NALCN: variants seen among roughly 807,000 people sequenced by gnomAD.
NALCN encodes sodium leak channel, non-selective, also known as sodium leak channel NALCN.
Under a neutral mutation model 225.3 loss-of-function variants are expected in NALCN, and 111 were observed. The ratio of observed to expected loss-of-function variants is 0.49; its 90% CI spans 0.42 to 0.58. The LOEUF (loss-of-function observed/expected upper bound fraction) is 0.58. NALCN is among the 20% of genes least tolerant of loss of function. NALCN has a pLI of 0.00. For missense variants in NALCN, 1,378 were observed against 2,202.4 expected, an observed-to-expected ratio of 0.63 and a Z score of 7.49; for synonymous variants, 764 against 769.0, an observed-to-expected ratio of 0.99 and a Z score of 0.11.
intron 13 of NALCN, among the ~76,000 whole-genome samples, chr13:101,217,579 T>A (rs1157955951): frequency 6.6e-6 from 1 of 152,172 alleles, no homozygotes; most frequent in Non-Finnish European, 1.5e-5. Flanking sequence ...TGTCTTCCTT[T>A]CTGACTCTAC....
In NALCN at chr13:101,068,817, G is replaced by A. The variant is rs747690520; in HGVS notation, c.4208C>T (p.Pro1403Leu). The change falls in exon 38 of 44, where the codon CCG becomes CTG. Residue 1403 changes from proline to leucine, a missense_variant. Around this residue, in one of 19 missense-constraint regions of NALCN, gnomAD observed 76 missense variants for 118.7 expected, o/e 0.64. Transcript: ENST00000251127. ...TGTAAATTCATCTGGAGTACAAAACGGAGGCTGAACCTTTGGGGCATTGGG... is the reference window on the plus strand; with the variant it reads ...TGTAAATTCATCTGGAGTACAAAACAGAGGCTGAACCTTTGGGGCATTGGG... The part of the protein sequence containing the change: ...KIMHDCMVQP[P>L]FCTPDEFTYW... The A allele has an allele frequency of 5.6e-6, 9 of 1,606,554 alleles. No homozygotes were observed. The South Asian group carries it at 5.6e-5, about 10-fold the overall frequency.
At chr13:101,155,315 C>T (rs2037850898) in intron 15 of NALCN, among the ~76,000 whole-genome samples, 1 of 152,188 alleles carries the variant, frequency 6.6e-6, no homozygotes, top group Non-Finnish European at 1.5e-5. Flanking sequence ...GATCCAGGAG[C>T]TCATCCTGGA....
rs2034129154 is a variant in NALCN, at chr13:101,089,857, G to A, written c.3379C>T (p.Arg1127Cys). 1 of 1,614,014 alleles carries A rather than the reference G, an allele frequency of 6.2e-7. No homozygotes were observed. Among genetic ancestry groups the A allele is most frequent in the Non-Finnish European group, 8.5e-7 (1 of 1,179,904 alleles). The change falls in exon 29 of 44, where the codon CGT becomes TGT. Residue 1127 changes from arginine to cysteine, a missense_variant. Physicochemically the swap from Arg to Cys is radical, Grantham distance 180. Transcript: ENST00000251127. This position sits in a 1 kb window ranked among gnomAD's most constrained non-coding sequence, Gnocchi z 4.7. Reference sequence around the variant, plus strand: ...ATGTGCTCGCTTACCGGCCCCACACGATGAATAATAACATCTCTCACTTCC... The same window carrying A: ...ATGTGCTCGCTTACCGGCCCCACACAATGAATAATAACATCTCTCACTTCC... ...WVEVRDVIIH[R>C]VGPIHGIYIH...
At chr13:101,097,270 C>G (rs1341868443) in intron 27 of NALCN, among the ~76,000 whole-genome samples, 1 of 152,142 alleles carries the variant, frequency 6.6e-6, no homozygotes, top group Non-Finnish European at 1.5e-5. Context: ...TCCTTCCAGT[C>G]TTTTTTCCTA....
intron 7 of NALCN, among the ~76,000 whole-genome samples, chr13:101,318,957 A>G (rs1424794893): frequency 6.6e-6 from 1 of 152,228 alleles, no homozygotes; most frequent in East Asian, 1.9e-4. Context: ...CAAAAGAAAT[A>G]AAAACCTAAT....
At chr13:101,126,472 C>T (rs146259387) in intron 17 of NALCN, among the ~76,000 whole-genome samples, 25 of 151,624 alleles carry the variant, frequency 1.6e-4, no homozygotes, top group African/African-American at 5.8e-4. Flanking sequence ...TTCTCCCCTC[C>T]TGAAAGAGTT....
intron 14 of NALCN, among the ~76,000 whole-genome samples, chr13:101,183,849 C>A (rs903881345): frequency 1.3e-5 from 2 of 152,080 alleles, no homozygotes; most frequent in African/African-American, 2.4e-5. Flanking sequence ...AATGACACCA[C>A]CTTTCATCTC....
chr13:101,407,988 C>T (rs1395229624), intron 1 of NALCN, among the ~76,000 whole-genome samples: 1 of 152,172 alleles, frequency 6.6e-6, no homozygotes, highest in African/African-American at 2.4e-5. Context: ...GTAAGTGTCT[C>T]TCTCTCTGTT....
intron 2 of NALCN, among the ~76,000 whole-genome samples, chr13:101,398,811 G>A (rs2047386657): frequency 6.6e-6 from 1 of 152,050 alleles, no homozygotes; most frequent in Non-Finnish European, 1.5e-5. Flanking sequence ...GAGGGGATCA[G>A]ACTACCCAGT....
chr13:101,359,581 A>G (rs902824899), intron 6 of NALCN, among the ~76,000 whole-genome samples: 4 of 152,194 alleles, frequency 2.6e-5, no homozygotes, highest in Non-Finnish European at 5.9e-5. Context: ...CGCACTACAG[A>G]GTTAATTATT....
intron 9 of NALCN, among the ~76,000 whole-genome samples, chr13:101,289,312 C>G (rs901112124): frequency 6.6e-6 from 1 of 152,118 alleles, no homozygotes; most frequent in Non-Finnish European, 1.5e-5. Context: ...CCTAAAGACC[C>G]TTGGCATTAA....
At chr13:101,151,127 T>C (rs568695494) in intron 15 of NALCN, among the ~76,000 whole-genome samples, 51 of 152,342 alleles carry the variant, frequency 3.3e-4, no homozygotes, top group African/African-American at 1.2e-3. Flanking sequence ...CTCAGTGCTA[T>C]TCTACGGCTC....
At chr13:101,320,369 T>G (rs2139188647) in intron 7 of NALCN, among the ~76,000 whole-genome samples, 1 of 152,308 alleles carries the variant, frequency 6.6e-6, no homozygotes, top group Middle Eastern at 3.4e-3. Context: ...ATTAAGGTTG[T>G]TTTTGCTTCC....
chr13:101,339,208 A>C (rs2045480090), intron 7 of NALCN, among the ~76,000 whole-genome samples: 1 of 152,198 alleles, frequency 6.6e-6, no homozygotes, highest in African/African-American at 2.4e-5. Context: ...TGTGGCTTTT[A>C]GGATGTTGTC....
intron 13 of NALCN, among the ~76,000 whole-genome samples, chr13:101,195,230 A>G (rs1459374356): frequency 6.6e-6 from 1 of 152,124 alleles, no homozygotes; most frequent in Non-Finnish European, 1.5e-5. Context: ...ACCTATTCGC[A>G]TGTTATTCCA....
Position 101,134,965 on chromosome 13 carries a change from C to A in NALCN, c.2118+8115G>T, listed in dbSNP as rs570222172. Among the ~76,000 whole-genome samples the A allele has an allele frequency of 2.7e-3, 412 of 152,214 alleles. 4 individuals carry two copies. The highest frequency in any genetic ancestry group is 0.011 in the South Asian group (53 of 4,826). On this transcript the variant is annotated intron_variant, in intron 17 of 43. Coordinates refer to ENST00000251127, the MANE Select transcript of NALCN (RefSeq NM_052867.4). ...GTCCCAGCACTTTGGGAGGCCGAGG[C>A]GGGTGGATCACGAGGTCAGGAAATC...
intron 1 of NALCN, among the ~76,000 whole-genome samples, chr13:101,403,478 A>C (rs1410825157): frequency 6.6e-6 from 1 of 152,188 alleles, no homozygotes; most frequent in Non-Finnish European, 1.5e-5. Flanking sequence ...GTCTTTCCTA[A>C]TTCCCTCACT....
intron 15 of NALCN, among the ~76,000 whole-genome samples, chr13:101,155,599 G>A (rs1594324016): frequency 6.6e-6 from 1 of 152,254 alleles, no homozygotes; most frequent in East Asian, 1.9e-4. Context: ...GTAAGGTGAT[G>A]TCTGCCAGGT....
At chr13:101,189,588 A>C (rs2039599862) in intron 14 of NALCN, among the ~76,000 whole-genome samples, 1 of 152,218 alleles carries the variant, frequency 6.6e-6, no homozygotes, top group African/African-American at 2.4e-5. Context: ...CAGAAATCAG[A>C]TATCGAGTGA....
Sources: allele counts gnomAD v4.1 joint callset (sites outside exome capture counted in the v4.1 genomes callset), GRCh38; gene constraint gnomAD v4.1.1; regional missense constraint gnomAD v4.1.1; non-coding constraint Gnocchi (gnomAD v3.1); transcripts MANE v1.5; gene names NCBI Gene and HGNC (gene_info 2026-07-23, HGNC 2026-07-21).